The following WWOX variants were observed in gnomAD, a reference collection of about 807,000 sequenced individuals.
WWOX encodes WW domain containing oxidoreductase.
In WWOX, 69 loss-of-function variants were observed where a neutral mutation model predicts 46.2. The observed-to-expected ratio is 1.49, with a 90% CI of 1.23 to 1.82. The LOEUF (loss-of-function observed/expected upper bound fraction) is 1.82. Among genes scored for constraint, WWOX ranks in the 40% most tolerant of loss-of-function variants. WWOX has a pLI of 0.00. For synonymous variants in WWOX, 359 were observed against 202.6 expected, an observed-to-expected ratio of 1.77 and a Z score of -6.56; for missense variants, 919 against 542.6, an observed-to-expected ratio of 1.69 and a Z score of -6.89.
intron 8 of WWOX, among the ~76,000 whole-genome samples, chr16:78,578,349 G>A (rs1448927913): frequency 1.5e-4 from 20 of 132,448 alleles, no homozygotes; most frequent in Admixed American, 1.4e-3. Context: ...GAGTGCAGTG[G>A]CGCAATCTCG....
At chr16:78,819,963 C>G (rs1050700937) in intron 8 of WWOX, among the ~76,000 whole-genome samples, 3 of 152,136 alleles carry the variant, frequency 2.0e-5, no homozygotes, top group Admixed American at 6.5e-5. Context: ...TTAATTTATA[C>G]TCTTAGTTTG....
chr16:78,143,327 G>T (rs918848921), intron 4 of WWOX, among the ~76,000 whole-genome samples: 1 of 152,164 alleles, frequency 6.6e-6, no homozygotes, highest in Admixed American at 6.5e-5. Context: ...AAAATCTACA[G>T]ATCAAGGTCA....
chr16:78,111,621 G>T (rs535183430), intron 3 of WWOX, among the ~76,000 whole-genome samples: 18 of 152,254 alleles, frequency 1.2e-4, no homozygotes, highest in African/African-American at 4.3e-4. Context: ...CCAGCTTCTT[G>T]TGGAAGGCTG....
intron 5 of WWOX, among the ~76,000 whole-genome samples, chr16:78,322,172 C>A (rs553129053): frequency 6.6e-6 from 1 of 152,230 alleles, no homozygotes; most frequent in South Asian, 2.1e-4. Flanking sequence ...GGGGGGAAGA[C>A]AAGGACAAAC....
At chr16:78,391,689 A>C (rs543355571) in intron 6 of WWOX, among the ~76,000 whole-genome samples, 1 of 152,284 alleles carries the variant, frequency 6.6e-6, no homozygotes, top group Admixed American at 6.5e-5. Flanking sequence ...CTGTACTAAA[A>C]ATACAAAAAT....
At chr16:78,442,276 A>T (rs2083462101) in intron 8 of WWOX, among the ~76,000 whole-genome samples, 2 of 152,214 alleles carry the variant, frequency 1.3e-5, no homozygotes, top group Non-Finnish European at 2.9e-5. Flanking sequence ...TGTGTGTGGC[A>T]AGAACATTGA....
At chr16:79,074,096 G>A (rs2048603870) in intron 8 of WWOX, among the ~76,000 whole-genome samples, 1 of 152,042 alleles carries the variant, frequency 6.6e-6, no homozygotes, top group Non-Finnish European at 1.5e-5. Context: ...GTGCTTTGTG[G>A]CCCTTTTCTT....
intron 8 of WWOX, among the ~76,000 whole-genome samples, chr16:78,644,463 T>C (rs1482615697): frequency 1.3e-5 from 2 of 148,788 alleles, no homozygotes; most frequent in East Asian, 3.9e-4. Context: ...TGGGCCCTTA[T>C]TTTTTTTTTC....
intron 3 of WWOX, 41 bp from the exon 4 acceptor site, chr16:78,114,935 G>A: frequency 1.2e-6 from 2 of 1,612,896 alleles, no homozygotes; most frequent in Non-Finnish European, 1.7e-6. Flanking sequence ...ATAAATGCCT[G>A]TGTTCATTGC....
intron 8 of WWOX, chr16:79,101,185 C>G (rs780285006): frequency 6.6e-6 from 1 of 152,140 alleles, no homozygotes; most frequent in Non-Finnish European, 1.5e-5. Flanking sequence ...TTGAAAGGAC[C>G]TCATGCAAAG....
At chr16:78,449,561 G>C (rs978369284) in intron 8 of WWOX, among the ~76,000 whole-genome samples, 1 of 152,070 alleles carries the variant, frequency 6.6e-6, no homozygotes, top group Non-Finnish European at 1.5e-5. Context: ...CATTTATTAC[G>C]GATAAGTTTG....
At chr16:78,529,680 G>C (rs1198609955) in intron 8 of WWOX, among the ~76,000 whole-genome samples, 1 of 151,870 alleles carries the variant, frequency 6.6e-6, no homozygotes, top group Non-Finnish European at 1.5e-5. Context: ...TGTTAGGCAG[G>C]ATGGTCTCGA....
At chr16:78,572,884 G>C (rs1405286361) in intron 8 of WWOX, among the ~76,000 whole-genome samples, 1 of 152,128 alleles carries the variant, frequency 6.6e-6, no homozygotes, top group African/African-American at 2.4e-5. Context: ...CAGGTACCTA[G>C]GTAGTCATTC....
At chr16:78,591,788 T>A (rs1242415468) in intron 8 of WWOX, among the ~76,000 whole-genome samples, 2 of 152,078 alleles carry the variant, frequency 1.3e-5, no homozygotes, top group African/African-American at 2.4e-5. Context: ...TGGCCTGGGG[T>A]TATTCTAGTG....
chr16:78,760,168 C>G (rs146698194), intron 8 of WWOX, among the ~76,000 whole-genome samples: 3 of 152,154 alleles, frequency 2.0e-5, no homozygotes, highest in East Asian at 1.9e-4. Context: ...ACATCTCACA[C>G]GGCAGCAGAC....
chr16:78,824,685 C>T (rs1279757166), intron 8 of WWOX, among the ~76,000 whole-genome samples: 1 of 152,132 alleles, frequency 6.6e-6, no homozygotes, highest in Non-Finnish European at 1.5e-5. Context: ...CCTGGTAAAC[C>T]CATCAGATCT....
At chr16:78,141,807 T>C (rs1000253796) in intron 4 of WWOX, among the ~76,000 whole-genome samples, 4 of 152,114 alleles carry the variant, frequency 2.6e-5, no homozygotes, top group African/African-American at 9.7e-5. Flanking sequence ...AGTATTGATT[T>C]CAGAATTATA....
At chr16:78,526,351 C>G (rs1372760167) in intron 8 of WWOX, 1 of 152,274 alleles carries the variant, frequency 6.6e-6, no homozygotes, top group Non-Finnish European at 1.5e-5. Context: ...TGCTGAGCCC[C>G]CCTTCCACTG....
chr16:78,533,370 A>T (rs1023077303), intron 8 of WWOX, among the ~76,000 whole-genome samples: 5 of 151,930 alleles, frequency 3.3e-5, no homozygotes, highest in Admixed American at 3.3e-4. Context: ...GAAGAAAAAG[A>T]ATTGTCTTTG....
Sources: allele counts gnomAD v4.1 joint callset (sites outside exome capture counted in the v4.1 genomes callset), GRCh38; gene constraint gnomAD v4.1.1; transcripts MANE v1.5; gene names NCBI Gene and HGNC (gene_info 2026-07-23, HGNC 2026-07-21).